Variants in CAPN1 observed in about 807,000 individuals in gnomAD.
CAPN1 encodes the protein calpain 1, also known as calpain-1 catalytic subunit.
Under a neutral mutation model 105.2 loss-of-function variants are expected in CAPN1, and 77 were observed. That is an observed-to-expected ratio of 0.73 (90% CI 0.61 to 0.88). The LOEUF is 0.88. Ranked by LOEUF, CAPN1 falls within the 40% of genes least tolerant of loss-of-function variation. The pLI is 0.00. For synonymous variants in CAPN1, 355 were observed against 388.8 expected (o/e 0.91, Z 1.02); for missense variants, 833 against 976.6 (o/e 0.85, Z 1.96).
intron 14 of CAPN1, among the ~76,000 whole-genome samples, chr11:65,207,254 C>T (rs556444830): frequency 7.0e-6 from 1 of 141,936 alleles, no homozygotes; most frequent in South Asian, 2.2e-4. Flanking sequence ...GGCTGGAGTG[C>T]AATGGCGTGA....
chr11:65,207,465 G>A (rs910710032), intron 14 of CAPN1, among the ~76,000 whole-genome samples: 6 of 151,314 alleles, frequency 4.0e-5, no homozygotes, highest in African/African-American at 1.5e-4. Context: ...CTCACAAAGT[G>A]CTAGGATTAC....
At chr11:65,202,409 A>G (rs1948884777) in intron 10 of CAPN1, among the ~76,000 whole-genome samples, 2 of 152,168 alleles carry the variant, frequency 1.3e-5, no homozygotes, top group Admixed American at 1.3e-4. Flanking sequence ...AAATGTACTG[A>G]AGTATATTAC....
At chr11:65,211,070 C>A in intron 21 of CAPN1, 190 bp from the exon 22 acceptor site, 1 of 740,052 alleles carries the variant, frequency 1.4e-6, no homozygotes, top group Admixed American at 2.3e-5. Context: ...GAGGTCCAGG[C>A]CCTTGGAGGC....
At chr11:65,190,518 C>T (rs915386903) in intron 10 of CAPN1, among the ~76,000 whole-genome samples, 1 of 152,182 alleles carries the variant, frequency 6.6e-6, no homozygotes, top group Non-Finnish European at 1.5e-5. Flanking sequence ...CTCTCCCCAG[C>T]AGCACTAGCG....
chr11:65,204,387 C>T (rs1055222163), intron 10 of CAPN1, among the ~76,000 whole-genome samples: 2 of 152,070 alleles, frequency 1.3e-5, no homozygotes, highest in African/African-American at 4.8e-5. Flanking sequence ...GCAGCCCCTT[C>T]GGGTCTCAGC....
chr11:65,186,092 C>A, intron 5 of CAPN1, 42 bp downstream of exon 5: 1 of 1,607,686 alleles, frequency 6.2e-7, no homozygotes, highest in Non-Finnish European at 8.5e-7. Flanking sequence ...TCCAGCTCCC[C>A]CTAGGGGTGG....
rs1949048014 is a variant in CAPN1, at chr11:65,211,424, C to G, written c.*138C>G. Reference sequence around the variant, plus strand: ...AGAGGCAGCCTCGTCCTCCTGTCCCCTCTCCTCCCAGCCACCATCGTTCAT... The same window carrying G: ...AGAGGCAGCCTCGTCCTCCTGTCCCGTCTCCTCCCAGCCACCATCGTTCAT... On this transcript the variant is annotated 3_prime_UTR_variant, in exon 22 of 22. Transcript: ENST00000279247. 1 of 765,712 alleles carries G rather than the reference C, an allele frequency of 1.3e-6. No individual in the cohort carries two copies. The highest frequency in any genetic ancestry group is 2.2e-6 in the Non-Finnish European group (1 of 447,628). The allele number at this position is 765,712 out of a possible 1,614,324, so 47.4% of individuals were successfully genotyped here.
chr11:65,187,582 C>T (rs1436927975), intron 7 of CAPN1: 15 of 520,846 alleles, frequency 2.9e-5, no homozygotes, highest in South Asian at 2.0e-4. Flanking sequence ...GTATGGGAGG[C>T]GGAGTGTTAA....
upstream of CAPN1, chr11:65,181,661 G>A (rs998058467): frequency 3.0e-6 from 1 of 335,686 alleles, no homozygotes; most frequent in South Asian, 2.0e-5. This position sits in a 1 kb window ranked among gnomAD's most constrained non-coding sequence, Gnocchi z 4.6. Context: ...CCCTTCCGCC[G>A]CGCCCCAGCC....
intron 11 of CAPN1, among the ~76,000 whole-genome samples, chr11:65,205,067 AG>A (rs1280407006): frequency 6.6e-6 from 1 of 152,192 alleles, no homozygotes; most frequent in Non-Finnish European, 1.5e-5. Flanking sequence ...AAAGAGAGGA[AG>A]GGGGTTGGCT....
At position 65,208,603 on chromosome 11, in the gene CAPN1, C is replaced by A; in HGVS notation, c.1729+341C>A. The A allele has an allele frequency of 2.5e-5, 10 of 392,988 alleles. No individual in the cohort carries two copies. The highest frequency in any genetic ancestry group is 2.2e-4 in the South Asian group (9 of 41,394). 24.3% of individuals were successfully genotyped at this position (392,988 alleles called of 1,614,324 possible). On this transcript the variant is annotated intron_variant, in intron 16 of 21. Transcript: ENST00000279247. This position sits in a 1 kb window ranked among gnomAD's most constrained non-coding sequence, Gnocchi z 4.1. ...CACCAGCCTGGACAATATGGAGAGA[C>A]CCTGTCTCTGCAAAAAAGTACAAAA...
chr11:65,204,701 C>G lies in CAPN1; in HGVS notation c.1184C>G (p.Pro395Arg), dbSNP rs1322394456. ...RNYPATFWVN[P>R]QFKIRLDETD... The stretch of plus-strand genomic sequence containing the variant: ...CCCGCAGCCACCTTCTGGGTGAACC[C>G]TCAGTTCAAGATCCGGCTGGATGAG... The change falls in exon 11 of 22, where the codon CCT becomes CGT. Residue 395 changes from proline to arginine, a missense_variant. Transcript: ENST00000279247. 9.3e-6 allele frequency: 15 copies of G among 1,612,220 alleles called. No individual in the cohort carries two copies. Among genetic ancestry groups the G allele is most frequent in the Non-Finnish European group, 1.2e-5 (14 of 1,179,116 alleles).
At chr11:65,183,743 G>C (rs1189181411) in intron 4 of CAPN1, 151 bp downstream of exon 4, 1 of 611,360 alleles carries the variant, frequency 1.6e-6, no homozygotes, top group African/African-American at 1.8e-5. Context: ...GGTCTGTCAT[G>C]TGTGAAGTGA....
chr11:65,183,438 G>A, intron 3 of CAPN1, 36 bp from the exon 4 acceptor site: 1 of 1,505,622 alleles, frequency 6.6e-7, no homozygotes, highest in Non-Finnish European at 9.2e-7. Flanking sequence ...GGGGCAGGTT[G>A]GTAGAGCAGG....
chr11:65,189,263 C>T (rs887844847), intron 10 of CAPN1, among the ~76,000 whole-genome samples: 3 of 152,276 alleles, frequency 2.0e-5, no homozygotes, highest in South Asian at 2.1e-4. Context: ...TCAGGTGATC[C>T]GACCACCTTG....
chr11:65,183,419 T>TCC (rs17884377), intron 3 of CAPN1, 55 bp from the exon 4 acceptor site: 13 of 1,377,022 alleles, frequency 9.4e-6, no homozygotes, highest in African/African-American at 7.1e-5. Flanking sequence ...AGCACCCGCT[T>TCC]CCCCCCCCGG....
At chr11:65,204,997 C>G (rs1948933888) in intron 11 of CAPN1, 139 bp downstream of exon 11, 2 of 698,358 alleles carry the variant, frequency 2.9e-6, no homozygotes, top group South Asian at 1.8e-5. Context: ...ACTCCCCCCA[C>G]CATCCTGAGG....
rs757724932 is a variant in CAPN1, at chr11:65,187,290, G to A, written c.835G>A (p.Ala279Thr). The change falls in exon 7 of 22, where the codon GCC (alanine) becomes ACC (threonine). Residue 279 changes from alanine to threonine, a missense_variant. Physicochemically the swap from Ala to Thr is moderately conservative, Grantham distance 58 (BLOSUM62 0). Coordinates refer to ENST00000279247, the MANE Select transcript of CAPN1 (RefSeq NM_005186.4). ...GGGCCATGCCTACTCTGTGACCGGG[G>A]CCAAGCAGGTACTGCCCTGGGTGGG... ...VKGHAYSVTG[A>T]KQVNYRGQVV... 1.2e-6 allele frequency: 2 copies of A among 1,611,742 alleles called. No homozygotes were observed. Among genetic ancestry groups the A allele is most frequent in the South Asian group, 1.1e-5 (1 of 90,658 alleles).
At chr11:65,203,592 C>G (rs1431041106) in intron 10 of CAPN1, 1 of 152,206 alleles carries the variant, frequency 6.6e-6, no homozygotes, top group Non-Finnish European at 1.5e-5. Context: ...AACTCCTGAC[C>G]TCAAGTGATC....
Sources: allele counts gnomAD v4.1 joint callset (sites outside exome capture counted in the v4.1 genomes callset), GRCh38; gene constraint gnomAD v4.1.1; non-coding constraint Gnocchi (gnomAD v3.1); transcripts MANE v1.5; gene names NCBI Gene and HGNC (gene_info 2026-07-23, HGNC 2026-07-21).